JAKMIP2: variants seen among roughly 807,000 people sequenced by gnomAD.
The protein encoded by JAKMIP2 is janus kinase and microtubule interacting protein 2, also known as janus kinase and microtubule-interacting protein 2.
In JAKMIP2, 25 loss-of-function variants were observed where a neutral mutation model predicts 115.0. The ratio of observed to expected loss-of-function variants is 0.22; its 90% CI spans 0.16 to 0.30. The LOEUF is 0.30. JAKMIP2 is among the 10% of genes least tolerant of loss of function. The pLI is 1.00. For missense variants in JAKMIP2, 642 were observed against 957.6 expected, an observed-to-expected ratio of 0.67 and a Z score of 4.35; for synonymous variants, 334 against 343.6, an observed-to-expected ratio of 0.97 and a Z score of 0.31.
At position 147,647,586 on chromosome 5, in the gene JAKMIP2, T is replaced by C. The variant is rs1027205244; in HGVS notation, c.936+790A>G. Among the ~76,000 whole-genome samples the C allele has an allele frequency of 2.6e-5, 4 of 152,278 alleles. No homozygotes were observed. In the East Asian group the frequency reaches 7.7e-4, roughly 29 times the overall value. On this transcript the variant is annotated intron_variant, in intron 5 of 21. Transcript: ENST00000616793. ...TAAATATTTGAAAAGTTACCCTACC[T>C]TCTTAATAATGAGGAAAATTAAAAC...
intron 21 of JAKMIP2, among the ~76,000 whole-genome samples, chr5:147,600,329 T>A (rs1226246655): frequency 6.6e-6 from 1 of 152,164 alleles, no homozygotes; most frequent in African/African-American, 2.4e-5. Flanking sequence ...GAGAGTGAGT[T>A]ATGAGTTCAT....
chr5:147,781,245 T>G (rs576810631), intron 1 of JAKMIP2, among the ~76,000 whole-genome samples: 3 of 152,276 alleles, frequency 2.0e-5, no homozygotes, highest in African/African-American at 7.2e-5. Flanking sequence ...CCTACTTTCC[T>G]ACTTAATTAT....
At chr5:147,611,776 G>A (rs565855956) in intron 20 of JAKMIP2, among the ~76,000 whole-genome samples, 1 of 152,282 alleles carries the variant, frequency 6.6e-6, no homozygotes, top group South Asian at 2.1e-4. Context: ...TAAGAGCCAT[G>A]TTGTTATATC....
chr5:147,708,818 C>G (rs1301062738), intron 1 of JAKMIP2, among the ~76,000 whole-genome samples: 2 of 152,168 alleles, frequency 1.3e-5, no homozygotes, highest in African/African-American at 2.4e-5. Flanking sequence ...ATTGTAGGTT[C>G]CTGGGTTCAA....
At chr5:147,687,154 A>G (rs1760613004) in intron 1 of JAKMIP2, among the ~76,000 whole-genome samples, 1 of 152,190 alleles carries the variant, frequency 6.6e-6, no homozygotes, top group Non-Finnish European at 1.5e-5. Flanking sequence ...GAATACTACT[A>G]CTACTACTGC....
chr5:147,732,649 A>G (rs1753777171), intron 1 of JAKMIP2, among the ~76,000 whole-genome samples: 1 of 152,240 alleles, frequency 6.6e-6, no homozygotes, highest in Admixed American at 6.5e-5. Flanking sequence ...AACATTTACT[A>G]GGTGCAAAGA....
chr5:147,751,430 C>A (rs745824289), intron 1 of JAKMIP2, among the ~76,000 whole-genome samples: 6 of 152,060 alleles, frequency 3.9e-5, no homozygotes, highest in Non-Finnish European at 7.4e-5. Flanking sequence ...ACTTTTGTAT[C>A]TCTTTCAAGT....
chr5:147,753,008 A>G (rs1338597648), intron 1 of JAKMIP2, among the ~76,000 whole-genome samples: 1 of 152,144 alleles, frequency 6.6e-6, no homozygotes, highest in African/African-American at 2.4e-5. Context: ...GAAATTGCAA[A>G]GCAACCCAAT....
chr5:147,648,531 G>A (rs2126740434), intron 4 of JAKMIP2, 57 bp from the exon 5 acceptor site: 1 of 936,136 alleles, frequency 1.1e-6, no homozygotes, highest in East Asian at 2.4e-5. Context: ...CAAAGTTTGG[G>A]AATATCACTT....
At chr5:147,644,365 A>G (rs1268873426) in intron 6 of JAKMIP2, among the ~76,000 whole-genome samples, 167 bp from the exon 7 acceptor site, 1 of 152,240 alleles carries the variant, frequency 6.6e-6, no homozygotes, top group African/African-American at 2.4e-5. Flanking sequence ...TTTATCTGCC[A>G]TAATAAGTCA....
At chr5:147,643,998 AT>A in intron 7 of JAKMIP2, 59 bp downstream of exon 7, 1 of 1,406,402 alleles carries the variant, frequency 7.1e-7, no homozygotes, top group Non-Finnish European at 9.5e-7. Context: ...TTCAGTGTAT[AT>A]TTTGTTGGCT....
intron 1 of JAKMIP2, among the ~76,000 whole-genome samples, chr5:147,714,879 G>C (rs13360157): frequency 6.6e-6 from 1 of 151,852 alleles, no homozygotes; most frequent in South Asian, 2.1e-4. Context: ...GCACACTGAA[G>C]AAAAATCTAA....
In JAKMIP2 at chr5:147,620,722, C is replaced by T; in HGVS notation, c.2086G>A (p.Gly696Ser). 6.2e-7 allele frequency: 1 copy of T among 1,613,516 alleles called. No individual in the cohort carries two copies. Among genetic ancestry groups the T allele is most frequent in the Non-Finnish European group, 8.5e-7 (1 of 1,179,686 alleles). ...SDMEQFCKIKGYLEEELDYRK... is the reference protein window; with the variant it reads ...SDMEQFCKIKSYLEEELDYRK... ...TAGTCTAGTTCTTCCTCCAGATAGCCTTTTATTTTGCAGAACTGTTCCTAT... is the reference window on the plus strand; with the variant it reads ...TAGTCTAGTTCTTCCTCCAGATAGCTTTTTATTTTGCAGAACTGTTCCTAT... Residue 696 changes from glycine to serine, a missense_variant, in exon 18 of 22, where the codon GGC becomes AGC. Transcript: ENST00000616793.
intron 1 of JAKMIP2, among the ~76,000 whole-genome samples, chr5:147,719,123 A>G (rs1753143992): frequency 7.5e-6 from 1 of 133,480 alleles, no homozygotes; most frequent in Middle Eastern, 3.6e-3. Flanking sequence ...GTCATTCAGG[A>G]GCAGGTTGTT....
At position 147,782,595 on chromosome 5, in the gene JAKMIP2, T is replaced by A; in HGVS notation, c.-288A>T. On this transcript the variant is annotated 5_prime_UTR_variant, in exon 1 of 22. Transcript: ENST00000616793. ...TTTTTTTTTTCCCTCTGTCTCTGGTTGGCGATGGTGCGAATAGGAACCACC... is the reference window on the plus strand; with the variant it reads ...TTTTTTTTTTCCCTCTGTCTCTGGTAGGCGATGGTGCGAATAGGAACCACC... The A allele has an allele frequency of 1.2e-6, 1 of 864,366 alleles. No individual in the cohort carries two copies. The highest frequency in any genetic ancestry group is 1.9e-6 in the Non-Finnish European group (1 of 535,242). The allele number at this position is 864,366 out of a possible 1,614,324, so 53.5% of individuals were successfully genotyped here. A position where few individuals can be genotyped will look rare whatever the true frequency, so the allele number is the denominator to read the frequency against.
intron 21 of JAKMIP2, among the ~76,000 whole-genome samples, chr5:147,598,907 C>T (rs1755548954): frequency 6.6e-6 from 1 of 152,152 alleles, no homozygotes; most frequent in South Asian, 2.1e-4. Context: ...TTTTCCCTTA[C>T]TTCTTCCTAT....
At chr5:147,761,978 A>T (rs1754943880) in intron 1 of JAKMIP2, among the ~76,000 whole-genome samples, 1 of 152,118 alleles carries the variant, frequency 6.6e-6, no homozygotes, top group Admixed American at 6.6e-5. Context: ...ATAAAAATAC[A>T]TATGTCTTAT....
intron 1 of JAKMIP2, among the ~76,000 whole-genome samples, chr5:147,728,418 G>A (rs1239124940): frequency 3.9e-5 from 6 of 152,146 alleles, no homozygotes; most frequent in Admixed American, 3.9e-4. Flanking sequence ...ATATAAAAAT[G>A]GGATCCTTAA....
Position 147,725,170 on chromosome 5 carries a change from T to A in JAKMIP2, c.-148-53216A>T, listed in dbSNP as rs1753468244. 2.0e-5 allele frequency among the ~76,000 whole-genome samples: 3 copies of A among 152,086 alleles called. No individual in the cohort carries two copies. In the South Asian group the frequency reaches 6.2e-4, roughly 32 times the overall value. ...ACCGTGCCATGATAGTTCACAAATGTCATGGAAACATCAAGAAGTCACCCT... is the reference window on the plus strand; with the variant it reads ...ACCGTGCCATGATAGTTCACAAATGACATGGAAACATCAAGAAGTCACCCT... On this transcript the variant is annotated intron_variant, in intron 1 of 21. Coordinates refer to ENST00000616793, the MANE Select transcript of JAKMIP2 (RefSeq NM_001270941.2).
Sources: gnomAD v4.1 joint callset for allele counts (sites outside exome capture counted in the v4.1 genomes callset) on GRCh38, gnomAD v4.1.1 for gene constraint, MANE v1.5 for transcripts, NCBI Gene and HGNC (gene_info 2026-07-23, HGNC 2026-07-21) for gene names.